Variants in GAD1 observed in about 807,000 individuals in gnomAD.
GAD1 encodes the protein 67 kDa glutamic acid decarboxylase.
A neutral mutation model predicts 75.2 loss-of-function variants in GAD1; 35 were observed. That is an observed-to-expected ratio of 0.47 (90% confidence interval 0.36 to 0.62). The LOEUF is 0.62. Ranked by LOEUF, GAD1 falls within the 20% of genes least tolerant of loss-of-function variation. GAD1 has a pLI of 0.00. For missense variants in GAD1, 490 were observed against 758.5 expected (o/e 0.65, Z 4.16); for synonymous variants, 257 against 271.9 (o/e 0.95, Z 0.54).
intron 12 of GAD1, among the ~76,000 whole-genome samples, chr2:170,850,831 T>C (rs1447097307): frequency 6.6e-6 from 1 of 152,096 alleles, no homozygotes; most frequent in African/African-American, 2.4e-5. Flanking sequence ...CTGGCCAACA[T>C]GGTGAAACCC....
At chr2:170,813,763 TA>T (rs1277670217), upstream of GAD1, among the ~76,000 whole-genome samples, 1 of 152,180 alleles carries the variant, frequency 6.6e-6, no homozygotes, top group African/African-American at 2.4e-5. Flanking sequence ...GGGAAAGGAA[TA>T]AAGGGCATTG....
At chr2:170,819,169 G>A (rs940007627) in intron 2 of GAD1, among the ~76,000 whole-genome samples, 2 of 152,086 alleles carry the variant, frequency 1.3e-5, no homozygotes, top group Admixed American at 1.3e-4. Flanking sequence ...GAAAACTCAA[G>A]GTCCCTAATT....
intron 6 of GAD1, chr2:170,842,532 T>C: frequency 6.2e-7 from 1 of 1,602,718 alleles, no homozygotes. Flanking sequence ...CAGCACAGGC[T>C]AAACCAGGAA....
At chr2:170,839,589 G>A (rs143560182) in intron 6 of GAD1, among the ~76,000 whole-genome samples, 2 of 151,476 alleles carry the variant, frequency 1.3e-5, no homozygotes, top group African/African-American at 2.4e-5. Context: ...ACTCCAGCCC[G>A]GGCGACAGAA....
At chr2:170,847,607 T>C in intron 10 of GAD1, 69 bp from the exon 11 acceptor site, 1 of 1,023,306 alleles carries the variant, frequency 9.8e-7, no homozygotes, top group Non-Finnish European at 1.6e-6. Flanking sequence ...ACAATTCTTC[T>C]TCCTGTGAAA....
chr2:170,822,691 CT>C (rs1701921498), intron 3 of GAD1, among the ~76,000 whole-genome samples: 1 of 152,268 alleles, frequency 6.6e-6, no homozygotes, highest in Admixed American at 6.5e-5. Flanking sequence ...GTCTCTCCAC[CT>C]TGAGGGGTTT....
intron 3 of GAD1, among the ~76,000 whole-genome samples, chr2:170,828,463 C>T (rs1242530580): frequency 1.2e-5 from 1 of 83,050 alleles, no homozygotes; most frequent in African/African-American, 4.6e-5. Context: ...TCGCTGTCCT[C>T]CCTCTGCTGT....
At chr2:170,820,511 C>A (rs956955387) in intron 2 of GAD1, among the ~76,000 whole-genome samples, 4 of 152,224 alleles carry the variant, frequency 2.6e-5, no homozygotes, top group Admixed American at 6.5e-5. Context: ...AATACCTTTG[C>A]CCGCCCAGCT....
At chr2:170,849,204 T>C in intron 11 of GAD1, 82 bp from the exon 12 acceptor site, 2 of 1,202,200 alleles carry the variant, frequency 1.7e-6, no homozygotes, top group Non-Finnish European at 2.5e-6. Context: ...TTGCTCATGT[T>C]TTAGTAGAAG....
intron 11 of GAD1, among the ~76,000 whole-genome samples, 183 bp downstream of exon 11, chr2:170,847,975 T>C (rs1269516027): frequency 6.6e-6 from 1 of 152,196 alleles, no homozygotes. Context: ...TGGAACATCC[T>C]CTGGGACTCA....
Position 170,845,414 on chromosome 2 carries a change from C to T in GAD1, c.752-92C>T. 3.6e-6 allele frequency: 4 copies of T among 1,104,756 alleles called. No homozygotes were observed. In the South Asian group the frequency reaches 5.0e-5, roughly 14 times the overall value. The allele number at this position is 1,104,756 out of a possible 1,614,324, so 68.4% of individuals were successfully genotyped here. ...ATATTATCCTTTCGCTTCCTGACCT[C>T]CCTTGTCTCTTGAGACACCAGCTCA... is the stretch of plus-strand genomic sequence containing the variant. On this transcript the variant is annotated intron_variant, in intron 7 of 16. Coordinates refer to ENST00000358196, the MANE Select transcript of GAD1 (RefSeq NM_000817.3).
chr2:170,821,818 C>T, intron 2 of GAD1: 1 of 512,110 alleles, frequency 2.0e-6, no homozygotes, highest in Admixed American at 3.2e-5. Flanking sequence ...GCGGGGGTCG[C>T]TTACGGGCCC....
At chr2:170,846,176 T>G (rs1463351963) in intron 10 of GAD1, 113 bp downstream of exon 10, 18 of 920,358 alleles carry the variant, frequency 2.0e-5, no homozygotes, top group Non-Finnish European at 3.1e-5. Flanking sequence ...TAAAATTCTA[T>G]TCTTCAAATT....
intron 2 of GAD1, among the ~76,000 whole-genome samples, chr2:170,819,959 G>T (rs544628950): frequency 1.3e-5 from 2 of 148,654 alleles, no homozygotes; most frequent in South Asian, 2.1e-4. Flanking sequence ...CCCTCTTCCC[G>T]CCACCCAGGA....
At chr2:170,824,929 C>CGTGTGTGTGTGTGT (rs56938472) in intron 3 of GAD1, among the ~76,000 whole-genome samples, 30 of 150,014 alleles carry the variant, frequency 2.0e-4, no homozygotes, top group African/African-American at 3.2e-4. Context: ...AGCCTACACT[C>CGTGTGTGTGTGTGT]GTGTGTGTGT....
rs367887066 is a variant in GAD1, at chr2:170,829,563, C to G, written c.234C>G (p.Ser78=). ...KERQSSKNLL[S]CENSDRDARF... ...GGCAATCCTCCAAGAACCTGCTTTC[C>G]TGTGAAAACAGCGACCGGGATGCCC... The change falls in exon 4 of 17, where the codon TCC becomes TCG. Residue 78 remains serine (S), a synonymous_variant. Transcript: ENST00000358196. 1.2e-6 allele frequency: 2 copies of G among 1,613,734 alleles called. No homozygotes were observed. The highest frequency in any genetic ancestry group is 1.7e-6 in the Non-Finnish European group (2 of 1,179,956).
At chr2:170,850,531 A>G (rs1273960860) in intron 12 of GAD1, among the ~76,000 whole-genome samples, 3 of 152,222 alleles carry the variant, frequency 2.0e-5, no homozygotes, top group Admixed American at 6.5e-5. Flanking sequence ...GAGAGGTAGA[A>G]GCAGACTAAG....
chr2:170,851,452 C>T (rs1377070169), intron 12 of GAD1, among the ~76,000 whole-genome samples: 1 of 152,178 alleles, frequency 6.6e-6, no homozygotes, highest in Non-Finnish European at 1.5e-5. Context: ...TTTTATTATA[C>T]ACTGAAGGGA....
At chr2:170,846,348 A>C (rs1702633133) in intron 10 of GAD1, among the ~76,000 whole-genome samples, 1 of 152,248 alleles carries the variant, frequency 6.6e-6, no homozygotes, top group Admixed American at 6.5e-5. Flanking sequence ...ATCCCTGAGC[A>C]TCATGAAGAT....
Sources: gnomAD v4.1 joint callset for allele counts (sites outside exome capture counted in the v4.1 genomes callset) on GRCh38, gnomAD v4.1.1 for gene constraint, MANE v1.5 for transcripts, NCBI Gene and HGNC (gene_info 2026-07-23, HGNC 2026-07-21) for gene names.